The following PIAS1 variants were observed in gnomAD, a reference collection of about 807,000 sequenced individuals.
The protein encoded by PIAS1 is E3 SUMO-protein ligase PIAS1.
PIAS1 carries 6 observed loss-of-function variants against 71.3 expected under a neutral mutation model. That is an observed-to-expected ratio of 0.08 (90% CI 0.05 to 0.17). PIAS1 has a LOEUF of 0.17. Ranked by LOEUF, PIAS1 falls within the 10% of genes least tolerant of loss-of-function variation. PIAS1 has a pLI of 1.00. For synonymous variants in PIAS1, 303 were observed against 292.9 expected, an observed-to-expected ratio of 1.03 and a Z score of -0.35; for missense variants, 555 against 793.6, an observed-to-expected ratio of 0.70 and a Z score of 3.61.
At chr15:68,080,059 T>C (rs2092213354) in intron 1 of PIAS1, among the ~76,000 whole-genome samples, 1 of 152,172 alleles carries the variant, frequency 6.6e-6, no homozygotes. Context: ...CTCAAACTCC[T>C]GACCTCAAGT....
intron 8 of PIAS1, among the ~76,000 whole-genome samples, chr15:68,168,900 A>G (rs143567543): frequency 7.2e-5 from 11 of 152,328 alleles, no homozygotes; most frequent in South Asian, 2.1e-4. Context: ...TCTCTTGCCT[A>G]AAAGATATGA....
chr15:68,078,112 T>C (rs964168214), intron 1 of PIAS1, among the ~76,000 whole-genome samples: 2 of 152,246 alleles, frequency 1.3e-5, no homozygotes, highest in African/African-American at 4.8e-5. Flanking sequence ...AATCATCTTT[T>C]AGAATTTAAT....
At chr15:68,168,885 G>GTTGC (rs1273584996) in intron 8 of PIAS1, among the ~76,000 whole-genome samples, 1 of 152,200 alleles carries the variant, frequency 6.6e-6, no homozygotes, top group Non-Finnish European at 1.5e-5. Flanking sequence ...AGGCTTGAGA[G>GTTGC]TTGCTCTCTT....
chr15:68,170,149 G>C (rs1343556519), intron 8 of PIAS1, among the ~76,000 whole-genome samples: 3 of 152,168 alleles, frequency 2.0e-5, no homozygotes, highest in Non-Finnish European at 4.4e-5. Context: ...CCTGTTTCTA[G>C]TAGGAGGAGA....
chr15:68,151,962 G>GTTTTTTTTT (rs1272581079), intron 6 of PIAS1, among the ~76,000 whole-genome samples: 1 of 85,050 alleles, frequency 1.2e-5, no homozygotes. Flanking sequence ...TTTTTTTTTG[G>GTTTTTTTTT]GGGGGGAGAC....
intron 2 of PIAS1, among the ~76,000 whole-genome samples, chr15:68,114,049 CACACACACACACTT>C (rs923780782): frequency 6.8e-5 from 8 of 118,096 alleles, no homozygotes; most frequent in South Asian, 4.9e-4. Context: ...CACACACACA[CACACACACACACTT>C]ATATACATGT....
At chr15:68,166,700 G>A (rs967095757) in intron 8 of PIAS1, among the ~76,000 whole-genome samples, 11 of 152,164 alleles carry the variant, frequency 7.2e-5, no homozygotes, top group South Asian at 2.1e-4. Context: ...GCATTTATTC[G>A]TATAAATAAG....
In PIAS1 at chr15:68,189,453, T is replaced by C. The variant is rs1188605136; in HGVS notation, c.*1618T>C. Reference sequence around the variant, plus strand: ...TACACTTGTAGTTTTAAACCTTGCATTGGTAACAAAATGATCAACTTTAAT... The same window carrying C: ...TACACTTGTAGTTTTAAACCTTGCACTGGTAACAAAATGATCAACTTTAAT... On this transcript the variant is annotated 3_prime_UTR_variant, in exon 14 of 14. Coordinates refer to ENST00000249636, the MANE Select transcript of PIAS1 (RefSeq NM_016166.3). The C allele has an allele frequency of 6.6e-6, 1 of 152,202 alleles. No homozygotes were observed. 9.4% of individuals were successfully genotyped at this position (152,202 alleles called of 1,614,324 possible). A position where few individuals can be genotyped will look rare whatever the true frequency, so the allele number is the denominator to read the frequency against.
intron 1 of PIAS1, among the ~76,000 whole-genome samples, chr15:68,074,785 TTTTCTC>T (rs892192395): frequency 2.6e-5 from 4 of 152,196 alleles, no homozygotes; most frequent in Admixed American, 6.5e-5. Context: ...TAAACTTTGT[TTTTCTC>T]TTTTTGTGCT....
rs74881407 is a variant in PIAS1, at chr15:68,121,727, C to T, written c.470-20219C>T. The stretch of plus-strand genomic sequence containing the variant: ...TAATTGTTTATCTCTACCCAGACCT[C>T]TCTCTAAGCTTCAGGTTAGTATTTC... On this transcript the variant is annotated intron_variant, in intron 2 of 13. Transcript: ENST00000249636. Among the ~76,000 whole-genome samples, 820 of 152,248 alleles carry T rather than the reference C, an allele frequency of 5.4e-3. 11 individuals are homozygous for T. The highest frequency in any genetic ancestry group is 0.019 in the African/African-American group (797 of 41,548).
chr15:68,088,749 T>C (rs1213548081), intron 2 of PIAS1, among the ~76,000 whole-genome samples: 1 of 152,108 alleles, frequency 6.6e-6, no homozygotes, highest in Non-Finnish European at 1.5e-5. Flanking sequence ...GTAGGATGAG[T>C]ATATTTTAAG....
intron 10 of PIAS1, 143 bp from the exon 11 acceptor site, chr15:68,176,331 G>GACAC: frequency 2.3e-6 from 1 of 436,876 alleles, no homozygotes; most frequent in East Asian, 3.4e-5. Flanking sequence ...AAACTTAGAA[G>GACAC]AACAGAGCCA....
chr15:68,054,443 C>T lies in PIAS1; in HGVS notation c.24+93C>T. On this transcript the variant is annotated intron_variant, in intron 1 of 13. Transcript: ENST00000249636. This position sits in a 1 kb window ranked among gnomAD's most constrained non-coding sequence, Gnocchi z 4.6. ...ATGGGTCCGACCCTGGGGGGCCTCT[C>T]GGGCCTGACTCCACCCGGGCCTGGA... is the stretch of plus-strand genomic sequence containing the variant. 7.5e-7 allele frequency: 1 copy of T among 1,340,374 alleles called. No homozygotes were observed. Among genetic ancestry groups the T allele is most frequent in the Non-Finnish European group, 1.0e-6 (1 of 961,080 alleles). The allele number at this position is 1,340,374 out of a possible 1,614,324, so 83.0% of individuals were successfully genotyped here.
intron 6 of PIAS1, among the ~76,000 whole-genome samples, chr15:68,147,398 G>A (rs968608677): frequency 1.3e-5 from 2 of 151,964 alleles, no homozygotes; most frequent in East Asian, 3.8e-4. Flanking sequence ...AACTGTATCC[G>A]TGTCTGTTTC....
chr15:68,136,815 G>A (rs938943278), intron 2 of PIAS1, among the ~76,000 whole-genome samples: 3 of 152,242 alleles, frequency 2.0e-5, no homozygotes, highest in Non-Finnish European at 2.9e-5. Flanking sequence ...TTAAAAAATT[G>A]TAGCAGACTG....
intron 2 of PIAS1, among the ~76,000 whole-genome samples, chr15:68,133,371 A>G (rs2092699938): frequency 6.6e-6 from 1 of 152,174 alleles, no homozygotes; most frequent in Admixed American, 6.5e-5. Flanking sequence ...TTGTAATTCT[A>G]TTCAAAATAC....
At chr15:68,100,946 A>G (rs1368184159) in intron 2 of PIAS1, among the ~76,000 whole-genome samples, 3 of 149,528 alleles carry the variant, frequency 2.0e-5, no homozygotes, top group Non-Finnish European at 4.4e-5. Flanking sequence ...CCCAGGGTGG[A>G]GGGCAGTGGC....
At chr15:68,065,706 G>A (rs1017717735) in intron 1 of PIAS1, among the ~76,000 whole-genome samples, 1 of 149,666 alleles carries the variant, frequency 6.7e-6, no homozygotes, top group East Asian at 1.9e-4. Flanking sequence ...GTAGTAGCTT[G>A]CATTGCACTG....
At chr15:68,129,283 C>G (rs1595748858) in intron 2 of PIAS1, among the ~76,000 whole-genome samples, 1 of 152,034 alleles carries the variant, frequency 6.6e-6, no homozygotes, top group Non-Finnish European at 1.5e-5. Context: ...GCCCAGGCTG[C>G]TCTCAAATTC....
Sources: allele counts gnomAD v4.1 joint callset (sites outside exome capture counted in the v4.1 genomes callset), GRCh38; gene constraint gnomAD v4.1.1; non-coding constraint Gnocchi (gnomAD v3.1); transcripts MANE v1.5; gene names NCBI Gene and HGNC (gene_info 2026-07-23, HGNC 2026-07-21).